Variants in FAF1 observed in about 807,000 individuals in gnomAD.
FAF1 encodes FAS-associated factor 1.
FAF1 carries 25 observed loss-of-function variants against 92.5 expected under a neutral mutation model. That is an observed-to-expected ratio of 0.27 (90% CI 0.20 to 0.38). The LOEUF (loss-of-function observed/expected upper bound fraction) is 0.38. Ranked by LOEUF, FAF1 falls within the 10% of genes least tolerant of loss-of-function variation. The pLI, the probability that FAF1 is intolerant of heterozygous loss-of-function variation, is 1.00. For synonymous variants in FAF1, 234 were observed against 273.2 expected (o/e 0.86, Z 1.42); for missense variants, 636 against 793.3 (o/e 0.80, Z 2.38).
At chr1:50,764,140 G>A (rs908757844) in intron 4 of FAF1, among the ~76,000 whole-genome samples, 6 of 151,688 alleles carry the variant, frequency 4.0e-5, no homozygotes, top group African/African-American at 1.5e-4. Context: ...TTTTCATTAA[G>A]AGTCTTATTT....
chr1:50,532,905 G>A (rs1400327962), intron 15 of FAF1, among the ~76,000 whole-genome samples: 2 of 152,100 alleles, frequency 1.3e-5, no homozygotes, highest in Admixed American at 1.3e-4. Context: ...TTCAACTCGT[G>A]GGCTCAAGTG....
chr1:50,738,988 T>G, intron 5 of FAF1, 34 bp from the exon 6 acceptor site: 1 of 1,220,482 alleles, frequency 8.2e-7, no homozygotes, highest in Non-Finnish European at 1.2e-6. Context: ...AAAATGAATG[T>G]TGATGTTGAT....
At chr1:50,667,371 C>T (rs189635143) in intron 7 of FAF1, among the ~76,000 whole-genome samples, 1 of 152,234 alleles carries the variant, frequency 6.6e-6, no homozygotes, top group East Asian at 1.9e-4. Flanking sequence ...GGCCAATGGA[C>T]AGTAAATCAA....
chr1:50,634,284 A>C (rs1192818310), intron 8 of FAF1, among the ~76,000 whole-genome samples: 3 of 152,206 alleles, frequency 2.0e-5, no homozygotes, highest in African/African-American at 7.2e-5. Context: ...AAAACAGTTT[A>C]TAATGCTATC....
intron 13 of FAF1, among the ~76,000 whole-genome samples, chr1:50,550,913 G>T (rs769428441): frequency 2.2e-4 from 34 of 152,254 alleles, no homozygotes; most frequent in Middle Eastern, 3.4e-3. Flanking sequence ...ATGGTAAAAT[G>T]TAAATGCTCT....
At chr1:50,515,713 G>T (rs949845964) in intron 15 of FAF1, among the ~76,000 whole-genome samples, 158 of 152,116 alleles carry the variant, frequency 1.0e-3, no homozygotes, top group African/African-American at 3.7e-3. Flanking sequence ...ACAGTTTAAG[G>T]TTCAAGCTTT....
intron 15 of FAF1, among the ~76,000 whole-genome samples, chr1:50,492,701 A>C (rs1338598611): frequency 6.6e-6 from 1 of 152,176 alleles, no homozygotes; most frequent in Non-Finnish European, 1.5e-5. Flanking sequence ...TAAAACTGGA[A>C]ATTTCATATA....
chr1:50,527,212 G>A (rs554163413), intron 15 of FAF1, among the ~76,000 whole-genome samples: 10 of 152,160 alleles, frequency 6.6e-5, no homozygotes, highest in African/African-American at 2.2e-4. Context: ...TACCTCATGC[G>A]GCTTTGATTT....
At chr1:50,614,708 G>A (rs1333239921) in intron 8 of FAF1, among the ~76,000 whole-genome samples, 1 of 151,818 alleles carries the variant, frequency 6.6e-6, no homozygotes, top group Non-Finnish European at 1.5e-5. Flanking sequence ...GCGTCATGGT[G>A]TATGCCTGTA....
chr1:50,465,452 A>ATCAT (rs1313170121), intron 18 of FAF1, among the ~76,000 whole-genome samples: 8 of 152,212 alleles, frequency 5.3e-5, no homozygotes, highest in Non-Finnish European at 1.2e-4. Context: ...GTTAATTTGC[A>ATCAT]TCATTCATTC....
chr1:50,862,913 C>T (rs542146087), intron 1 of FAF1, among the ~76,000 whole-genome samples: 1 of 151,968 alleles, frequency 6.6e-6, no homozygotes, highest in African/African-American at 2.4e-5. Flanking sequence ...GAGATGATGG[C>T]AACACAGTAA....
At chr1:50,717,919 G>A (rs1658243630) in intron 6 of FAF1, among the ~76,000 whole-genome samples, 1 of 152,016 alleles carries the variant, frequency 6.6e-6, no homozygotes, top group African/African-American at 2.4e-5. Context: ...AAAAATGCCT[G>A]AATAATCGAA....
intron 7 of FAF1, among the ~76,000 whole-genome samples, chr1:50,662,415 A>ATT (rs1248094618): frequency 6.6e-6 from 1 of 152,174 alleles, no homozygotes; most frequent in African/African-American, 2.4e-5. Flanking sequence ...AAATTTGACA[A>ATT]TTGCCTTTCT....
chr1:50,648,003 A>G (rs759336349), intron 8 of FAF1, among the ~76,000 whole-genome samples: 12 of 152,232 alleles, frequency 7.9e-5, no homozygotes, highest in Non-Finnish European at 1.5e-4. Flanking sequence ...TCACGCCTCC[A>G]ATCCTGGCAC....
intron 17 of FAF1, among the ~76,000 whole-genome samples, chr1:50,485,695 A>AC (rs1646759306): frequency 6.8e-6 from 1 of 147,976 alleles, no homozygotes; most frequent in African/African-American, 2.5e-5. Context: ...AAAAAAAAAA[A>AC]ACCAAAAAAA....
chr1:50,663,695 G>A lies in FAF1; in HGVS notation c.658-8167C>T, dbSNP rs562773865. ...TAGGATTACTGGCGTGAGCCACCGC[G>A]CCCGGCCAGAAGCACCGCTTTAGAA... On this transcript the variant is annotated intron_variant, in intron 7 of 18. Coordinates refer to ENST00000396153, the MANE Select transcript of FAF1 (RefSeq NM_007051.3). Among the ~76,000 whole-genome samples, 86 of 151,620 alleles carry A rather than the reference G, an allele frequency of 5.7e-4. 3 individuals are homozygous for A. The highest frequency in any genetic ancestry group is 2.0e-3 in the African/African-American group (82 of 41,010).
chr1:50,865,788 T>C (rs1367536810), intron 1 of FAF1, among the ~76,000 whole-genome samples: 4 of 145,862 alleles, frequency 2.7e-5, no homozygotes, highest in African/African-American at 1.0e-4. Context: ...TGTATACATA[T>C]GTAACTAACC....
At chr1:50,518,819 TA>T (rs1572802383) in intron 15 of FAF1, among the ~76,000 whole-genome samples, 1 of 152,212 alleles carries the variant, frequency 6.6e-6, no homozygotes, top group East Asian at 1.9e-4. Context: ...AAGTTAAATC[TA>T]TGTTTAACTT....
chr1:50,953,598 C>T (rs1018689050), intron 1 of FAF1, among the ~76,000 whole-genome samples: 5 of 151,796 alleles, frequency 3.3e-5, no homozygotes, highest in African/African-American at 7.2e-5. Context: ...ATTAGCCAGG[C>T]GTAGTTGGTT....
Sources: allele counts gnomAD v4.1 joint callset (sites outside exome capture counted in the v4.1 genomes callset), GRCh38; gene constraint gnomAD v4.1.1; transcripts MANE v1.5; gene names NCBI Gene and HGNC (gene_info 2026-07-23, HGNC 2026-07-21).